Variants in WASF3 observed in about 807,000 individuals in gnomAD.
WASF3 encodes the protein WASP family member 3.
A neutral mutation model predicts 46.6 loss-of-function variants in WASF3; 11 were observed. That is an observed-to-expected ratio of 0.24 (90% CI 0.15 to 0.39). WASF3 has a LOEUF of 0.39. Ranked by LOEUF, WASF3 falls within the 10% of genes least tolerant of loss-of-function variation. The probability of loss-of-function intolerance (pLI) is 1.00; values close to 1 mark genes in which losing one functional copy is unlikely to be tolerated. For missense variants in WASF3, 576 were observed against 669.8 expected (o/e 0.86, Z 1.55); for synonymous variants, 242 against 259.7 (o/e 0.93, Z 0.65).
chr13:26,546,145 G>A, the WASF3 span, among the ~76,000 whole-genome samples: 2 of 152,122 alleles, frequency 1.3e-5, no homozygotes, highest in African/African-American at 2.4e-5. Context: ...ACAAAGACAA[G>A]GCAGGAAAAC....
At chr13:26,544,644 A>G in the WASF3 span, among the ~76,000 whole-genome samples, 1 of 152,256 alleles carries the variant, frequency 6.6e-6, no homozygotes, top group South Asian at 2.1e-4. Flanking sequence ...TTCACCATCT[A>G]TAGAAGAATC....
intron 8 of WASF3, 72 bp downstream of exon 8, chr13:26,681,392 AT>A: frequency 3.4e-6 from 5 of 1,481,608 alleles, no homozygotes; most frequent in African/African-American, 1.4e-5. Context: ...TGGTAGGAGA[AT>A]TTTAACTCCG....
intron 5 of WASF3, among the ~76,000 whole-genome samples, chr13:26,669,206 C>CTTTTTTT (rs71080286): frequency 7.7e-5 from 5 of 65,318 alleles, no homozygotes; most frequent in Admixed American, 2.2e-4. Flanking sequence ...ATATCTTTGA[C>CTTTTTTT]TTTTTTTTTT....
intron 1 of WASF3, among the ~76,000 whole-genome samples, chr13:26,590,909 G>A (rs892838191): frequency 1.3e-5 from 2 of 152,156 alleles, no homozygotes; most frequent in African/African-American, 2.4e-5. Context: ...AGATGGTAAT[G>A]GAGAGAACTA....
rs74040625 is a variant in WASF3, at chr13:26,610,273, C to T, written c.-108-2688C>T. On this transcript the variant is annotated intron_variant, in intron 1 of 9. Coordinates refer to ENST00000335327, the MANE Select transcript of WASF3 (RefSeq NM_006646.6). ...ATTATGGCTTAAATTCAGTGACCAG[C>T]CTTGTGAAGCTGTCCCTGCCGTTGC... Among the ~76,000 whole-genome samples, 1,030 of 152,318 alleles carry T rather than the reference C, an allele frequency of 6.8e-3. 16 individuals carry two copies. The highest frequency in any genetic ancestry group is 0.023 in the African/African-American group (944 of 41,562).
chr13:26,682,767 C>G lies in WASF3; in HGVS notation c.1144C>G (p.Pro382Ala). Residue 382 changes from proline to alanine, a missense_variant, in exon 9 of 10, where the codon CCT (proline) becomes GCT (alanine). Physicochemically the swap from Pro to Ala is conservative, Grantham distance 27. Transcript: ENST00000335327. This position sits in a 1 kb window ranked among gnomAD's most constrained non-coding sequence, Gnocchi z 4.4. The stretch of plus-strand genomic sequence containing the variant: ...ATCAGCCAGCTCCACGCACGCAGCT[C>G]CTCCTCACCCACCCTCCACCGGGCT... ...PASASSTHAA[P>A]PHPPSTGLLV... 6.2e-7 allele frequency: 1 copy of G among 1,612,830 alleles called. No homozygotes were observed. The highest frequency in any genetic ancestry group is 8.5e-7 in the Non-Finnish European group (1 of 1,180,032).
intron 1 of WASF3, among the ~76,000 whole-genome samples, chr13:26,589,094 C>T (rs1169962700): frequency 6.6e-6 from 1 of 152,144 alleles, no homozygotes; most frequent in African/African-American, 2.4e-5. Flanking sequence ...GTGCCTGGCC[C>T]TGTATTTCTT....
chr13:26,677,546 C>G (rs1308049802), intron 7 of WASF3, among the ~76,000 whole-genome samples: 1 of 152,096 alleles, frequency 6.6e-6, no homozygotes, highest in Admixed American at 6.5e-5. Context: ...TTTTTTTCTA[C>G]CTTTGTAAAA....
At chr13:26,674,227 A>T (rs929283670) in intron 6 of WASF3, among the ~76,000 whole-genome samples, 2 of 152,234 alleles carry the variant, frequency 1.3e-5, no homozygotes, top group Non-Finnish European at 2.9e-5. Context: ...CAAATATCAT[A>T]ACACTTCATC....
At chr13:26,636,219 C>T (rs566126814) in intron 2 of WASF3, among the ~76,000 whole-genome samples, 17 of 152,248 alleles carry the variant, frequency 1.1e-4, no homozygotes, top group African/African-American at 3.6e-4. Flanking sequence ...TCAGCAATGG[C>T]GGATGCCCCT....
intron 3 of WASF3, among the ~76,000 whole-genome samples, chr13:26,651,488 G>C (rs1442268686): frequency 1.3e-5 from 2 of 152,190 alleles, no homozygotes; most frequent in Non-Finnish European, 2.9e-5. Context: ...AAAACAGTGG[G>C]TAAGTGCTAA....
At position 26,682,625 on chromosome 13, in the gene WASF3, A is replaced by G. The variant is rs1883265098; in HGVS notation, c.1002A>G (p.Ile334Met). The G allele has an allele frequency of 6.2e-7, 1 of 1,614,144 alleles. No homozygotes were observed. The highest frequency in any genetic ancestry group is 1.7e-4 in the Middle Eastern group (1 of 6,060). Residue 334 changes from isoleucine to methionine, a missense_variant, in exon 9 of 10, where the codon ATA (isoleucine) becomes ATG (methionine). This residue lies in a region of WASF3 where 295 missense variants were observed against 291.5 expected (regional missense o/e 1.01). Coordinates refer to ENST00000335327, the MANE Select transcript of WASF3 (RefSeq NM_006646.6). The surrounding 1 kb of genome is among the most constrained non-coding windows in gnomAD (Gnocchi z 4.4). Reference protein sequence around the residue: ...PADYGMLPAQIIEYYNPSGPP... With the variant: ...PADYGMLPAQMIEYYNPSGPP... ...CTCTCAGGATGCTCCCAGCGCAGAT[A>G]ATTGAGTATTACAACCCATCCGGAC...
intron 1 of WASF3, among the ~76,000 whole-genome samples, chr13:26,564,277 T>C (rs1021271256): frequency 2.0e-5 from 3 of 152,212 alleles, no homozygotes; most frequent in Non-Finnish European, 4.4e-5. Context: ...TGGTGCCTTG[T>C]ATATAATCTG....
chr13:26,662,983 C>T (rs1882675162), intron 3 of WASF3, among the ~76,000 whole-genome samples: 2 of 152,040 alleles, frequency 1.3e-5, no homozygotes, highest in South Asian at 4.1e-4. Flanking sequence ...TCTGTTAGAT[C>T]ATTTGGCAGC....
chr13:26,548,987 TTG>T, the WASF3 span, among the ~76,000 whole-genome samples: 2 of 126,682 alleles, frequency 1.6e-5, no homozygotes, highest in African/African-American at 5.6e-5. Context: ...CTTTCTTTCT[TTG>T]TTTTTTTTTT....
At chr13:26,560,584 C>T (rs978031302) in intron 1 of WASF3, among the ~76,000 whole-genome samples, 5 of 152,092 alleles carry the variant, frequency 3.3e-5, no homozygotes, top group Non-Finnish European at 4.4e-5. Context: ...AAGAGACAGA[C>T]GCTTTCAAGA....
At chr13:26,621,760 G>A (rs1881313162) in intron 2 of WASF3, among the ~76,000 whole-genome samples, 1 of 152,124 alleles carries the variant, frequency 6.6e-6, no homozygotes, top group Non-Finnish European at 1.5e-5. Context: ...GGCTCTAGAA[G>A]GCAGTGTGCG....
At chr13:26,606,684 TAGTTGGTGATAAG>T (rs1436837956) in intron 1 of WASF3, 2 of 152,092 alleles carry the variant, frequency 1.3e-5, no homozygotes, top group African/African-American at 4.8e-5. Context: ...GCACAATATT[TAGTTGGTGATAAG>T]AGTTTATCTT....
At chr13:26,579,723 T>G (rs1879922759) in intron 1 of WASF3, among the ~76,000 whole-genome samples, 1 of 152,174 alleles carries the variant, frequency 6.6e-6, no homozygotes, top group South Asian at 2.1e-4. Flanking sequence ...TGTTTACCCT[T>G]TTTTTAAAAC....
Sources: allele counts gnomAD v4.1 joint callset (sites outside exome capture counted in the v4.1 genomes callset), GRCh38; gene constraint gnomAD v4.1.1; regional missense constraint gnomAD v4.1.1; non-coding constraint Gnocchi (gnomAD v3.1); transcripts MANE v1.5; gene names NCBI Gene and HGNC (gene_info 2026-07-23, HGNC 2026-07-21).